CHD9: variants seen among roughly 807,000 people sequenced by gnomAD.
CHD9 encodes the protein chromodomain helicase DNA binding protein 9.
Under a neutral mutation model 316.1 loss-of-function variants are expected in CHD9, and 77 were observed. The observed-to-expected ratio is 0.24, with a 90% confidence interval of 0.20 to 0.29. The LOEUF (loss-of-function observed/expected upper bound fraction) is 0.29, where lower values mean the gene tolerates loss of function less well. CHD9 is among the 10% of genes least tolerant of loss of function. The pLI, the probability that CHD9 is intolerant of heterozygous loss-of-function variation, is 1.00. For missense variants in CHD9, 2,763 were observed against 3,438.1 expected (o/e 0.80, Z 4.91); for synonymous variants, 1,129 against 1,158.3 (o/e 0.97, Z 0.51).
At chr16:53,072,651 T>C (rs1354735125) in intron 1 of CHD9, among the ~76,000 whole-genome samples, 3 of 151,996 alleles carry the variant, frequency 2.0e-5, no homozygotes, top group East Asian at 3.9e-4. Flanking sequence ...GCTGGGATTA[T>C]AGGTATGAGC....
intron 7 of CHD9, among the ~76,000 whole-genome samples, chr16:53,228,242 C>G (rs2047825435): frequency 6.6e-6 from 1 of 151,808 alleles, no homozygotes; most frequent in East Asian, 1.9e-4. Context: ...AAATACATTT[C>G]TAATCTACTT....
intron 34 of CHD9, among the ~76,000 whole-genome samples, chr16:53,312,888 C>A (rs1333518519): frequency 6.6e-6 from 1 of 152,156 alleles, no homozygotes; most frequent in Non-Finnish European, 1.5e-5. Flanking sequence ...CCTTGAATGA[C>A]TGGAAATGCA....
intron 1 of CHD9, among the ~76,000 whole-genome samples, chr16:53,130,021 G>T (rs1028621422): frequency 6.6e-6 from 1 of 152,094 alleles, no homozygotes; most frequent in African/African-American, 2.4e-5. Flanking sequence ...CTCCCCCACG[G>T]CTGTCTCTCT....
intron 34 of CHD9, among the ~76,000 whole-genome samples, chr16:53,313,602 G>A (rs1253249333): frequency 3.3e-5 from 5 of 151,764 alleles, no homozygotes; most frequent in Admixed American, 6.6e-5. Flanking sequence ...CACTATGCCC[G>A]GCCAAAAGTT....
Position 53,176,142 on chromosome 16 carries a change from C to T in CHD9, c.1452+18601C>T, listed in dbSNP as rs564642573. Among the ~76,000 whole-genome samples, 4 of 152,272 alleles carry T rather than the reference C, an allele frequency of 2.6e-5. No individual in the cohort carries two copies. The South Asian group carries it at 8.3e-4, about 32-fold the overall frequency. On this transcript the variant is annotated intron_variant, in intron 2 of 38. Coordinates refer to ENST00000447540, the MANE Select transcript of CHD9 (RefSeq NM_001308319.2). ...GAACTGGATCTCACTGGACTAAAAT[C>T]AAGATGTCAATAGGGTTGCAGTCCT...
At chr16:53,206,195 C>T (rs542564789) in intron 2 of CHD9, among the ~76,000 whole-genome samples, 4 of 152,070 alleles carry the variant, frequency 2.6e-5, no homozygotes, top group Non-Finnish European at 4.4e-5. Context: ...TCAGGTGATC[C>T]GCCCACCTCG....
At chr16:53,307,537 A>G (rs958716622) in intron 32 of CHD9, 144 bp from the exon 33 acceptor site, 3 of 672,182 alleles carry the variant, frequency 4.5e-6, no homozygotes, top group African/African-American at 3.6e-5. Context: ...CAGAATTGTA[A>G]TATATATATA....
chr16:53,057,610 C>T (rs2032317186), intron 1 of CHD9, among the ~76,000 whole-genome samples: 1 of 151,178 alleles, frequency 6.6e-6, no homozygotes, highest in Non-Finnish European at 1.5e-5. Context: ...GCCAAGATCA[C>T]GCCATTGTAC....
At chr16:53,122,710 A>G (rs1218661766) in intron 1 of CHD9, among the ~76,000 whole-genome samples, 1 of 150,926 alleles carries the variant, frequency 6.6e-6, no homozygotes, top group East Asian at 1.9e-4. Context: ...ACACCCAGCT[A>G]ATTTTTATTT....
chr16:53,238,015 C>A (rs576640851), intron 11 of CHD9, among the ~76,000 whole-genome samples: 2 of 152,220 alleles, frequency 1.3e-5, no homozygotes, highest in South Asian at 4.2e-4. Flanking sequence ...TGTATCCCAT[C>A]TTCTCATACT....
At chr16:53,236,957 A>G (rs532907475) in intron 11 of CHD9, among the ~76,000 whole-genome samples, 17 of 151,776 alleles carry the variant, frequency 1.1e-4, no homozygotes, top group Admixed American at 3.3e-4. Flanking sequence ...GCCATATTCT[A>G]TACTCCCCGT....
chr16:53,079,866 T>C (rs1216969510), intron 1 of CHD9, among the ~76,000 whole-genome samples: 1 of 152,236 alleles, frequency 6.6e-6, no homozygotes, highest in Non-Finnish European at 1.5e-5. Context: ...TCTGCATCTC[T>C]TCATCTAGCT....
At chr16:53,130,090 G>C (rs1316816384) in intron 1 of CHD9, among the ~76,000 whole-genome samples, 1 of 152,144 alleles carries the variant, frequency 6.6e-6, no homozygotes, top group African/African-American at 2.4e-5. Flanking sequence ...AATGGAGAAC[G>C]GGAGCCTGAG....
At position 53,081,141 on chromosome 16, in the gene CHD9, A is replaced by G. The variant is rs558353100; in HGVS notation, c.-165+26064A>G. On this transcript the variant is annotated intron_variant, in intron 1 of 38. Transcript: ENST00000447540. ...GCAGTGTTTAGAGAGAAGATTTGCC[A>G]AAGATGAGATTTTAAAAGCATTTGC... is the stretch of plus-strand genomic sequence containing the variant. 2.3e-3 allele frequency among the ~76,000 whole-genome samples: 350 copies of G among 152,348 alleles called. 2 individuals are homozygous for G. Among genetic ancestry groups the G allele is most frequent in the African/African-American group, 8.1e-3 (337 of 41,580 alleles).
In CHD9 at chr16:53,306,328, C is replaced by T; in HGVS notation, c.6711C>T (p.Asn2237=). The change falls in exon 32 of 39, where the codon AAC becomes AAT. Residue 2237 remains asparagine, a synonymous_variant. Transcript: ENST00000447540. ...AGACTCAGGATAGTTTTCAGATGAACAATGGGACACCAGAGTCTGCTTATA... is the reference window on the plus strand; with the variant it reads ...AGACTCAGGATAGTTTTCAGATGAATAATGGGACACCAGAGTCTGCTTATA... ...QDETQDSFQM[N]NGTPESAYIL... 1 of 1,611,520 alleles carries T rather than the reference C, an allele frequency of 6.2e-7. No homozygotes were observed. Among genetic ancestry groups the T allele is most frequent in the Non-Finnish European group, 8.5e-7 (1 of 1,178,790 alleles).
chr16:53,315,983 C>G (rs946372575), intron 36 of CHD9, among the ~76,000 whole-genome samples: 1 of 152,070 alleles, frequency 6.6e-6, no homozygotes, highest in Non-Finnish European at 1.5e-5. Context: ...GGCTCATGCC[C>G]GTAATCCTAG....
Position 53,304,274 on chromosome 16 carries a change from G to A in CHD9, c.6268G>A (p.Gly2090Arg), listed in dbSNP as rs1477079712. The A allele has an allele frequency of 6.2e-7, 1 of 1,611,540 alleles. No individual in the cohort carries two copies. The highest frequency in any genetic ancestry group is 1.7e-5 in the Admixed American group (1 of 59,862). The change falls in exon 31 of 39, where the codon GGA becomes AGA. Residue 2090 changes from glycine (G) to arginine (R), a missense_variant. By Grantham distance (125) the Gly-to-Arg change is moderately radical. This residue lies in a region of CHD9 where 663 missense variants were observed against 751.2 expected (regional missense o/e 0.88). Coordinates refer to ENST00000447540, the MANE Select transcript of CHD9 (RefSeq NM_001308319.2). Reference sequence around the variant, plus strand: ...GAATGGTGTTTTACCACAGGCTACTGGAGACCAGAAATCTGGTGGAAAATG... The same window carrying A: ...GAATGGTGTTTTACCACAGGCTACTAGAGACCAGAAATCTGGTGGAAAATG... ...PKNGVLPQAT[G>R]DQKSGGKCET...
rs199521378 is a variant in CHD9, at chr16:53,314,955, G to T, written c.7495G>T (p.Ala2499Ser). The T allele has an allele frequency of 3.0e-5, 49 of 1,613,738 alleles. No homozygotes were observed. The highest frequency in any genetic ancestry group is 4.2e-5 in the Non-Finnish European group (49 of 1,179,804). Residue 2499 changes from alanine to serine, a missense_variant, in exon 36 of 39, where the codon GCA becomes TCA. Ala to Ser is a moderately conservative substitution (Grantham distance 99, BLOSUM62 1). Coordinates refer to ENST00000447540, the MANE Select transcript of CHD9 (RefSeq NM_001308319.2). ...VINLKDGTRL[A>S]GDDAPKRKDL... ...TAATCTTAAAGATGGAACGAGACTT[G>T]CAGGAGATGATGCACCAAAGAGAAA...
intron 1 of CHD9, among the ~76,000 whole-genome samples, chr16:53,114,788 C>T (rs1032793325): frequency 6.6e-6 from 1 of 150,850 alleles, no homozygotes; most frequent in Non-Finnish European, 1.5e-5. Flanking sequence ...GGGGTTTCAC[C>T]GTGTTAGCCA....
Sources: allele counts gnomAD v4.1 joint callset (sites outside exome capture counted in the v4.1 genomes callset), GRCh38; gene constraint gnomAD v4.1.1; regional missense constraint gnomAD v4.1.1; transcripts MANE v1.5; gene names NCBI Gene and HGNC (gene_info 2026-07-23, HGNC 2026-07-21).